Variants in TARS3 observed in about 807,000 individuals in gnomAD.
The protein encoded by TARS3 is threonyl-tRNA synthetase 3.
Under a neutral mutation model 103.5 loss-of-function variants are expected in TARS3, and 94 were observed. The ratio of observed to expected loss-of-function variants is 0.91; its 90% CI spans 0.77 to 1.08. The LOEUF (loss-of-function observed/expected upper bound fraction) is 1.08. Ranked by LOEUF, TARS3 falls within the 50% of genes least tolerant of loss-of-function variation. TARS3 has a pLI of 0.00. For synonymous variants in TARS3, 416 were observed against 355.4 expected (o/e 1.17, Z -1.92); for missense variants, 952 against 995.2 (o/e 0.96, Z 0.58).
chr15:101,682,309 T>C (rs1293406551), intron 12 of TARS3, among the ~76,000 whole-genome samples: 2 of 152,202 alleles, frequency 1.3e-5, no homozygotes, highest in Admixed American at 1.3e-4. Flanking sequence ...CTTCCATTCC[T>C]AGTTTTGAGA....
intron 11 of TARS3, among the ~76,000 whole-genome samples, chr15:101,685,110 T>TA (rs1403085954): frequency 6.6e-6 from 1 of 152,240 alleles, no homozygotes; most frequent in Non-Finnish European, 1.5e-5. Context: ...CATCTTCACT[T>TA]AAAAGGGCAA....
intron 5 of TARS3, among the ~76,000 whole-genome samples, chr15:101,710,991 G>A (rs1247338102): frequency 2.6e-5 from 4 of 152,282 alleles, no homozygotes; most frequent in Non-Finnish European, 2.9e-5. Flanking sequence ...GGAGGTGGAC[G>A]GGGCTGGCTG....
chr15:101,689,240 T>TG (rs142309158), intron 10 of TARS3, among the ~76,000 whole-genome samples: 6,891 of 152,176 alleles, frequency 0.045, 239 homozygotes, highest in South Asian at 0.15. Flanking sequence ...TGGAATTCAG[T>TG]GGGGAGCCTT....
chr15:101,674,397 T>C (rs957918552), intron 13 of TARS3, among the ~76,000 whole-genome samples: 1 of 152,164 alleles, frequency 6.6e-6, no homozygotes, highest in Admixed American at 6.5e-5. Context: ...CTAAGAGCTA[T>C]GGTTAAAAAA....
chr15:101,653,875 A>C lies in TARS3; in HGVS notation c.*707T>G, dbSNP rs1386985577. Reference sequence around the variant, plus strand: ...TGGAATGTCATCCCATCAAAAAAGTAACAACTCTAGGTGAGCGGCTTAGTG... The same window carrying C: ...TGGAATGTCATCCCATCAAAAAAGTCACAACTCTAGGTGAGCGGCTTAGTG... On this transcript the variant is annotated 3_prime_UTR_variant, in exon 19 of 19. Coordinates refer to ENST00000335968, the MANE Select transcript of TARS3 (RefSeq NM_152334.3). 1 of 152,274 alleles carries C rather than the reference A, an allele frequency of 6.6e-6. No homozygotes were observed. Among genetic ancestry groups the C allele is most frequent in the Non-Finnish European group, 1.5e-5 (1 of 68,052 alleles). 9.4% of individuals were successfully genotyped at this position (152,274 alleles called of 1,614,324 possible). A position where few individuals can be genotyped will look rare whatever the true frequency, so the allele number is the denominator to read the frequency against.
intron 16 of TARS3, among the ~76,000 whole-genome samples, chr15:101,658,311 CAAAAAAA>C (rs36121104): frequency 4.3e-5 from 3 of 70,152 alleles, no homozygotes; most frequent in African/African-American, 6.3e-5. Flanking sequence ...ACACCATCAG[CAAAAAAA>C]AAAAAAAAAA....
intron 10 of TARS3, among the ~76,000 whole-genome samples, chr15:101,699,720 G>C (rs1899163091): frequency 6.6e-6 from 1 of 152,148 alleles, no homozygotes; most frequent in Admixed American, 6.5e-5. Context: ...CCAGGTGATA[G>C]AATACAGACA....
chr15:101,702,827 G>A (rs1197260249), intron 8 of TARS3, among the ~76,000 whole-genome samples: 2 of 152,190 alleles, frequency 1.3e-5, no homozygotes, highest in Admixed American at 6.5e-5. Flanking sequence ...TATTTGTAGT[G>A]CTGGGAACAA....
At position 101,671,372 on chromosome 15, in the gene TARS3, G is replaced by A. The variant is rs117004154; in HGVS notation, c.1967+114C>T. ...GATCAGGTAAACAAATATATATTGC[G>A]TGTATAGCACATATACTAGACATTC... On this transcript the variant is annotated intron_variant, in intron 15 of 18. Coordinates refer to ENST00000335968, the MANE Select transcript of TARS3 (RefSeq NM_152334.3). 5,549 of 746,222 alleles carry A rather than the reference G, an allele frequency of 7.4e-3. 40 individuals carry two copies. The highest frequency in any genetic ancestry group is 0.011 in the Non-Finnish European group (4,948 of 453,518). The allele number at this position is 746,222 out of a possible 1,614,324, so 46.2% of individuals were successfully genotyped here.
In TARS3 at chr15:101,705,707, T is replaced by A. The variant is rs1204615329; in HGVS notation, c.971A>T (p.Asn324Ile). ...CCTGTACACGGTGGTAGTTGCAGTG[T>A]TAACTTTCTCATTCAGAATGCGGCA... ...FKCRILNEKVNTATTTVYRCG... is the reference protein window; with the variant it reads ...FKCRILNEKVITATTTVYRCG... Residue 324 changes from asparagine to isoleucine, a missense_variant, in exon 7 of 19, where the codon AAC (asparagine) becomes ATC (isoleucine). Coordinates refer to ENST00000335968, the MANE Select transcript of TARS3 (RefSeq NM_152334.3). The A allele has an allele frequency of 6.2e-7, 1 of 1,611,550 alleles. No individual in the cohort carries two copies. Among genetic ancestry groups the A allele is most frequent in the East Asian group, 2.2e-5 (1 of 44,880 alleles).
intron 18 of TARS3, chr15:101,655,949 A>C: frequency 1.6e-6 from 2 of 1,289,238 alleles, no homozygotes; most frequent in Non-Finnish European, 2.0e-6. Context: ...TGTTCTCTCT[A>C]GTGACCCATA....
intron 17 of TARS3, 152 bp from the exon 18 acceptor site, chr15:101,657,188 G>C (rs145034496): frequency 5.0e-5 from 28 of 557,630 alleles, no homozygotes; most frequent in African/African-American, 5.0e-4. Context: ...AAGTGCGGAA[G>C]TGTCGGCGCA....
chr15:101,668,454 A>G lies in TARS3; in HGVS notation c.1967+3032T>C, dbSNP rs566696526. Among the ~76,000 whole-genome samples, 76 of 152,276 alleles carry G rather than the reference A, an allele frequency of 5.0e-4. No homozygotes were observed. The South Asian group carries it at 0.015, about 31-fold the overall frequency. ...ATAGTTCATGGTGCCCCCTAAAATT[A>G]TAAGAGTAATATCAAATATCACTAA... On this transcript the variant is annotated intron_variant, in intron 15 of 18. Transcript: ENST00000335968.
intron 12 of TARS3, 43 bp from the exon 13 acceptor site, chr15:101,675,780 T>G: frequency 2.6e-6 from 4 of 1,563,186 alleles, no homozygotes; most frequent in Non-Finnish European, 3.5e-6. Context: ...AACATCAAAT[T>G]CATTTATGTT....
At chr15:101,715,043 G>GT (rs967127220) in intron 3 of TARS3, 80 bp from the exon 4 acceptor site, 173,449 of 1,015,540 alleles carry the variant, frequency 0.17, 2 homozygotes, top group East Asian at 0.19. Flanking sequence ...AATTTCTAGG[G>GT]TTTTTTTTTT....
chr15:101,686,440 T>C (rs1209544156), intron 10 of TARS3, among the ~76,000 whole-genome samples: 1 of 152,156 alleles, frequency 6.6e-6, no homozygotes, highest in Non-Finnish European at 1.5e-5. Context: ...CTGAATGCCA[T>C]GTTGCATGTT....
intron 12 of TARS3, among the ~76,000 whole-genome samples, chr15:101,678,412 A>G (rs989054982): frequency 2.0e-5 from 3 of 150,086 alleles, no homozygotes; most frequent in Admixed American, 2.0e-4. Flanking sequence ...TTTCTGTTTT[A>G]TTTTTCCTGT....
At chr15:101,677,983 C>CG (rs1224908751) in intron 12 of TARS3, among the ~76,000 whole-genome samples, 1 of 136,928 alleles carries the variant, frequency 7.3e-6, no homozygotes, top group African/African-American at 3.0e-5. Flanking sequence ...TTTTGGGGGT[C>CG]ATTTTTTTTT....
At chr15:101,659,769 C>A (rs185025025) in intron 16 of TARS3, among the ~76,000 whole-genome samples, 2 of 152,214 alleles carry the variant, frequency 1.3e-5, no homozygotes, top group African/African-American at 4.8e-5. Flanking sequence ...CATATTCATA[C>A]CCATACTTTT....
Sources: allele counts gnomAD v4.1 joint callset (sites outside exome capture counted in the v4.1 genomes callset), GRCh38; gene constraint gnomAD v4.1.1; transcripts MANE v1.5; gene names NCBI Gene and HGNC (gene_info 2026-07-23, HGNC 2026-07-21).